Variants in DNAH14 observed in about 807,000 individuals in gnomAD.
DNAH14 encodes axonemal beta dynein heavy chain 14.
A neutral mutation model predicts 520.9 loss-of-function variants in DNAH14; 478 were observed. The observed-to-expected ratio is 0.92, with a 90% CI of 0.85 to 0.99. DNAH14 has a LOEUF of 0.99. Ranked by LOEUF, DNAH14 falls within the 50% of genes least tolerant of loss-of-function variation. DNAH14 has a pLI of 0.00. For missense variants in DNAH14, 4,831 were observed against 5,234.5 expected (o/e 0.92, Z 2.38); for synonymous variants, 1,581 against 1,757.2 (o/e 0.90, Z 2.51).
chr1:225,335,052 A>G (rs1184770656), intron 66 of DNAH14, among the ~76,000 whole-genome samples: 1 of 149,226 alleles, frequency 6.7e-6, no homozygotes, highest in Non-Finnish European at 1.5e-5. Flanking sequence ...ATATATACAT[A>G]TGTACATATA....
At chr1:225,303,536 T>C (rs1415631407) in intron 57 of DNAH14, among the ~76,000 whole-genome samples, 189 bp downstream of exon 57, 2 of 152,144 alleles carry the variant, frequency 1.3e-5, no homozygotes, top group Non-Finnish European at 2.9e-5. Context: ...ATTCACCCTA[T>C]TTCAAAGATG....
chr1:225,113,851 A>G (rs1401142240), intron 23 of DNAH14, among the ~76,000 whole-genome samples: 1 of 152,140 alleles, frequency 6.6e-6, no homozygotes, highest in African/African-American at 2.4e-5. Flanking sequence ...AAATGCTGCC[A>G]GGCTTTGGAC....
At chr1:225,352,639 C>G (rs1020945367) in intron 72 of DNAH14, among the ~76,000 whole-genome samples, 3 of 151,728 alleles carry the variant, frequency 2.0e-5, no homozygotes, top group Non-Finnish European at 4.4e-5. Flanking sequence ...TTAAATTTTG[C>G]CCATCTGTAA....
At position 225,338,151 on chromosome 1, in the gene DNAH14, G is replaced by A; in HGVS notation, c.10402G>A (p.Asp3468Asn). 1 of 1,551,946 alleles carries A rather than the reference G, an allele frequency of 6.4e-7. No individual in the cohort carries two copies. Among genetic ancestry groups the A allele is most frequent in the Non-Finnish European group, 8.7e-7 (1 of 1,146,998 alleles). ...KKGHYFIRVGDAEFEYNSNFR... is the reference protein window; with the variant it reads ...KKGHYFIRVGNAEFEYNSNFR... ...AGGACACTATTTCATAAGGGTTGGT[G>A]ATGCTGAGTTCGAATACAATTCAAA... Residue 3468 changes from aspartate to asparagine, a missense_variant, in exon 68 of 86, where the codon GAT (aspartate) becomes AAT (asparagine). Transcript: ENST00000682510.
intron 41 of DNAH14, among the ~76,000 whole-genome samples, chr1:225,223,507 C>A (rs996902275): frequency 2.0e-5 from 3 of 152,106 alleles, no homozygotes; most frequent in African/African-American, 7.2e-5. Context: ...ATCAAACACC[C>A]CTTGGAATTC....
At chr1:225,249,706 TATTTTCGTCTTTCC>T (rs1375021643) in intron 43 of DNAH14, among the ~76,000 whole-genome samples, 1 of 152,230 alleles carries the variant, frequency 6.6e-6, no homozygotes, top group Non-Finnish European at 1.5e-5. Context: ...AGTTTTAGAA[TATTTTCGTCTTTCC>T]ATTATGATCT....
In DNAH14 at chr1:225,079,473, T is replaced by C; in HGVS notation, c.2691T>C (p.Ala897=). The change falls in exon 18 of 86, where the codon GCT becomes GCC. Residue 897 remains alanine (A), a synonymous_variant. Transcript: ENST00000682510. ...TAAGTAAAATAAATAAAGACACTGCTATAACTAAATTCAGAGATAACTTGG... is the reference window on the plus strand; with the variant it reads ...TAAGTAAAATAAATAAAGACACTGCCATAACTAAATTCAGAGATAACTTGG... The part of the protein sequence containing the change: ...MKLSKINKDT[A]ITKFRDNLEA... 6.5e-7 allele frequency: 1 copy of C among 1,543,788 alleles called. No homozygotes were observed. The highest frequency in any genetic ancestry group is 8.7e-7 in the Non-Finnish European group (1 of 1,145,294).
chr1:225,238,016 A>AT (rs1211696741), intron 42 of DNAH14, among the ~76,000 whole-genome samples: 3 of 152,058 alleles, frequency 2.0e-5, no homozygotes, highest in Non-Finnish European at 4.4e-5. Context: ...CAGCTCCTGT[A>AT]TTTTTTTGTA....
At chr1:225,035,866 T>G (rs1032328610) in intron 11 of DNAH14, among the ~76,000 whole-genome samples, 1 of 152,184 alleles carries the variant, frequency 6.6e-6, no homozygotes, top group Non-Finnish European at 1.5e-5. Flanking sequence ...TTCTGCATAT[T>G]AAGTCTGAGG....
intron 1 of DNAH14, among the ~76,000 whole-genome samples, chr1:224,941,395 C>G (rs909793176): frequency 7.2e-5 from 11 of 152,000 alleles, no homozygotes; most frequent in South Asian, 2.1e-4. Context: ...ATTTGTTTGA[C>G]TTCATTGTAG....
intron 81 of DNAH14, among the ~76,000 whole-genome samples, chr1:225,386,655 A>C (rs948696673): frequency 6.6e-6 from 1 of 152,264 alleles, no homozygotes; most frequent in Non-Finnish European, 1.5e-5. Flanking sequence ...TGGCCATCAG[A>C]GAAATGCAAA....
In DNAH14 at chr1:225,381,482, A is replaced by G. The variant is rs948772489; in HGVS notation, c.12980A>G (p.Asp4327Gly). The G allele has an allele frequency of 6.5e-7, 1 of 1,549,640 alleles. No homozygotes were observed. Among genetic ancestry groups the G allele is most frequent in the Non-Finnish European group, 8.7e-7 (1 of 1,146,430 alleles). ...TTTGTCATACATAAATCCTTAAAAGATCTTCAGCTTGCTATAAAAGGAGAG... is the reference window on the plus strand; with the variant it reads ...TTTGTCATACATAAATCCTTAAAAGGTCTTCAGCTTGCTATAAAAGGAGAG... The part of the protein sequence containing the change: ...LLFVIHKSLK[D>G]LQLAIKGEII... Residue 4327 changes from aspartate to glycine, a missense_variant, in exon 81 of 86, where the codon GAT becomes GGT. Transcript: ENST00000682510.
Position 225,240,727 on chromosome 1 carries a change from C to G in DNAH14, c.6653C>G (p.Pro2218Arg). ...GAAGATGAACACAGAGAAAATATAC[C>G]ATTTTGTCCCAGTCTTGAACCTGAT... ...NREDEHRENI[P>R]FCPSLEPDSL... Residue 2218 changes from proline (P) to arginine (R), a missense_variant, in exon 43 of 86, where the codon CCA (proline) becomes CGA (arginine). By Grantham distance (103) the Pro-to-Arg change is moderately radical (BLOSUM62 -2). Transcript: ENST00000682510. The G allele has an allele frequency of 6.4e-7, 1 of 1,550,468 alleles. No homozygotes were observed.
At chr1:225,198,859 G>T (rs1279183392) in intron 38 of DNAH14, among the ~76,000 whole-genome samples, 1 of 152,126 alleles carries the variant, frequency 6.6e-6, no homozygotes, top group East Asian at 1.9e-4. Context: ...TTCATAGAAT[G>T]ATTTAGGGAG....
At chr1:225,219,512 A>G (rs570908047) in intron 41 of DNAH14, among the ~76,000 whole-genome samples, 1 of 152,336 alleles carries the variant, frequency 6.6e-6, no homozygotes, top group Non-Finnish European at 1.5e-5. Context: ...AGCTACCATC[A>G]GAGAATACTA....
intron 60 of DNAH14, among the ~76,000 whole-genome samples, chr1:225,312,638 A>G (rs761133025): frequency 3.9e-5 from 6 of 152,136 alleles, no homozygotes; most frequent in Admixed American, 6.5e-5. Context: ...TAGTTTATTG[A>G]GTGTTTTTAA....
At chr1:225,378,368 T>C (rs957926993) in intron 79 of DNAH14, among the ~76,000 whole-genome samples, 4 of 152,160 alleles carry the variant, frequency 2.6e-5, no homozygotes, top group African/African-American at 7.2e-5. Context: ...TTTTGACCTT[T>C]TGAATTATTT....
intron 17 of DNAH14, among the ~76,000 whole-genome samples, chr1:225,060,529 C>A (rs182054591): frequency 6.6e-6 from 1 of 152,172 alleles, no homozygotes; most frequent in South Asian, 2.1e-4. Context: ...AAGTCATTCT[C>A]CATCCAGCTT....
At chr1:225,149,471 T>A (rs1261645960) in intron 31 of DNAH14, among the ~76,000 whole-genome samples, 1 of 152,230 alleles carries the variant, frequency 6.6e-6, no homozygotes, top group Non-Finnish European at 1.5e-5. Flanking sequence ...TGAATTAAAA[T>A]GTCACTGGTA....
Sources: gnomAD v4.1 joint callset for allele counts (sites outside exome capture counted in the v4.1 genomes callset) on GRCh38, gnomAD v4.1.1 for gene constraint, MANE v1.5 for transcripts, NCBI Gene and HGNC (gene_info 2026-07-23, HGNC 2026-07-21) for gene names.